The following CTDP1 variants were observed in gnomAD, a reference collection of about 807,000 sequenced individuals.
The protein encoded by CTDP1 is CTD phosphatase 1.
Under a neutral mutation model 91.8 loss-of-function variants are expected in CTDP1, and 47 were observed. The observed-to-expected ratio is 0.51, with a 90% CI of 0.41 to 0.65. The LOEUF (loss-of-function observed/expected upper bound fraction) is 0.65. Ranked by LOEUF, CTDP1 falls within the 30% of genes least tolerant of loss-of-function variation. The probability of loss-of-function intolerance (pLI) is 0.00; values close to 1 mark genes in which losing one functional copy is unlikely to be tolerated. For synonymous variants in CTDP1, 656 were observed against 598.5 expected (o/e 1.10, Z -1.40); for missense variants, 1,272 against 1,373.7 (o/e 0.93, Z 1.17).
At chr18:79,698,307 G>A (rs1427541346) in intron 4 of CTDP1, among the ~76,000 whole-genome samples, 2 of 152,158 alleles carry the variant, frequency 1.3e-5, no homozygotes, top group African/African-American at 4.8e-5. Context: ...GTGGTGGATG[G>A]TGCGAGGCGT....
chr18:79,698,785 G>A lies in CTDP1; in HGVS notation c.621+797G>A, dbSNP rs560374796. Among the ~76,000 whole-genome samples, 10 of 152,342 alleles carry A rather than the reference G, an allele frequency of 6.6e-5. No homozygotes were observed. In the South Asian group the frequency reaches 2.1e-3, roughly 32 times the overall value. On this transcript the variant is annotated intron_variant, in intron 4 of 12. Transcript: ENST00000613122. The stretch of plus-strand genomic sequence containing the variant: ...CTTACCAGTTCTAAAGGTTCCTGGG[G>A]ATCCTGCAGGTCCCAATAGCAGACA...
intron 1 of CTDP1, among the ~76,000 whole-genome samples, chr18:79,692,537 T>C (rs2085646541): frequency 6.6e-6 from 1 of 152,236 alleles, no homozygotes; most frequent in South Asian, 2.1e-4. Context: ...CCCAGATCCT[T>C]CTTCATGTTA....
chr18:79,703,429 T>A (rs1227845788), intron 4 of CTDP1: 3 of 152,242 alleles, frequency 2.0e-5, no homozygotes, highest in African/African-American at 7.2e-5. Flanking sequence ...CATTTGCATG[T>A]CGATCATATG....
chr18:79,745,246 A>ACGCGCGTTCTGTCCCTGCGTCCCTCCCG (rs2086856773), intron 12 of CTDP1, among the ~76,000 whole-genome samples: 1 of 99,050 alleles, frequency 1.0e-5, no homozygotes, highest in African/African-American at 3.7e-5. Context: ...CGTCCCTCCC[A>ACGCGCGTTCTGTCCCTGCGTCCCTCCCG]TGCGCGTTCT....
intron 10 of CTDP1, among the ~76,000 whole-genome samples, chr18:79,721,127 G>A (rs1215916113): frequency 6.6e-6 from 1 of 152,094 alleles, no homozygotes; most frequent in African/African-American, 2.4e-5. Flanking sequence ...TTGCTCCTGC[G>A]AAGCCTCCTA....
At chr18:79,756,184 T>C (rs2122937012), downstream of CTDP1, 1 of 152,526 alleles carries the variant, frequency 6.6e-6, no homozygotes, top group South Asian at 2.1e-4. Flanking sequence ...TCCACATTGA[T>C]AGCTTAAAAT....
At chr18:79,693,217 G>A (rs2122462737) in intron 1 of CTDP1, among the ~76,000 whole-genome samples, 1 of 152,290 alleles carries the variant, frequency 6.6e-6, no homozygotes, top group South Asian at 2.1e-4. Context: ...GACCGGGAGG[G>A]AGGATGGTCC....
In CTDP1 at chr18:79,715,395, C is replaced by G; in HGVS notation, c.1935C>G (p.His645Gln). 1.2e-6 allele frequency: 2 copies of G among 1,605,164 alleles called. No homozygotes were observed. Among genetic ancestry groups the G allele is most frequent in the Non-Finnish European group, 8.5e-7 (1 of 1,175,770 alleles). ...ADVAIIFSGL[H>Q]PTNFPIEKTR... is the part of the protein sequence containing the mutation. The stretch of plus-strand genomic sequence containing the variant: ...TGGCCATAATTTTCAGTGGGCTACA[C>G]CCGACAAACTTCCCGATAGAGAAGA... The change falls in exon 8 of 13, where the codon CAC (histidine) becomes CAG (glutamine). Residue 645 changes from histidine (H) to glutamine (Q), a missense_variant. His to Gln is a conservative substitution (Grantham distance 24, BLOSUM62 0). This residue lies in a region of CTDP1 where 881 missense variants were observed against 911.6 expected (regional missense o/e 0.97). Transcript: ENST00000613122.
intron 4 of CTDP1, among the ~76,000 whole-genome samples, chr18:79,698,274 C>T (rs937593791): frequency 2.6e-5 from 4 of 152,094 alleles, no homozygotes; most frequent in African/African-American, 9.7e-5. Context: ...AAGGCAGAAA[C>T]GTCCCGAGCC....
chr18:79,682,168 G>T (rs1017315168), intron 1 of CTDP1, among the ~76,000 whole-genome samples: 1 of 152,218 alleles, frequency 6.6e-6, no homozygotes, highest in Admixed American at 6.5e-5. Context: ...TGCTGCTGAC[G>T]GTCGGCTCCG....
chr18:79,714,633 C>T lies in CTDP1; in HGVS notation c.1173C>T (p.Thr391=). 2 of 1,612,500 alleles carry T rather than the reference C, an allele frequency of 1.2e-6. No homozygotes were observed. Among genetic ancestry groups the T allele is most frequent in the African/African-American group, 1.3e-5 (1 of 75,060 alleles). The part of the protein sequence containing the change: ...ARELNGSEAA[T]PRDSPRPGKP... ...AGCTGAACGGCAGCGAGGCCGCCAC[C>T]CCGCGGGACTCACCCCGCCCCGGGA... Residue 391 remains threonine, a synonymous_variant, in exon 8 of 13, where the codon ACC becomes ACT. Coordinates refer to ENST00000613122, the MANE Select transcript of CTDP1 (RefSeq NM_004715.5).
chr18:79,682,211 G>A (rs766906068), intron 1 of CTDP1, among the ~76,000 whole-genome samples: 32 of 152,332 alleles, frequency 2.1e-4, no homozygotes, highest in Non-Finnish European at 3.8e-4. Flanking sequence ...TGGCTCTGGG[G>A]GGCTGCCGTT....
In CTDP1 at chr18:79,680,142, G is replaced by T; in HGVS notation, c.195G>T (p.Gln65His). The T allele has an allele frequency of 7.0e-7, 1 of 1,429,540 alleles. No homozygotes were observed. 88.6% of individuals were successfully genotyped at this position (1,429,540 alleles called of 1,614,324 possible). A position where few individuals can be genotyped will look rare whatever the true frequency, so the allele number is the denominator to read the frequency against. ...CCGCGCAGTCCTCCGGGGCCTCTCA[G>T]TCCCGTGTAGCCTCCGGGGGCTGCG... ...AASAQSSGASQSRVASGGCVR... is the reference protein window; with the variant it reads ...AASAQSSGASHSRVASGGCVR... The change falls in exon 1 of 13, where the codon CAG (glutamine) becomes CAT (histidine). Residue 65 changes from glutamine (Q) to histidine (H), a missense_variant. By Grantham distance (24) the Gln-to-His change is conservative (BLOSUM62 0). Coordinates refer to ENST00000613122, the MANE Select transcript of CTDP1 (RefSeq NM_004715.5).
chr18:79,706,094 C>A (rs603957), intron 5 of CTDP1, among the ~76,000 whole-genome samples: 115,913 of 152,126 alleles, frequency 0.76, 44,426 homozygotes, highest in Middle Eastern at 0.79. Flanking sequence ...TGGTGAGGTC[C>A]TGTGGACTCC....
chr18:79,696,795 T>C lies in CTDP1; in HGVS notation c.492+725T>C, dbSNP rs575213783. 8.5e-5 allele frequency among the ~76,000 whole-genome samples: 13 copies of C among 152,282 alleles called. No individual in the cohort carries two copies. In the South Asian group the frequency reaches 2.5e-3, roughly 29 times the overall value. On this transcript the variant is annotated intron_variant, in intron 3 of 12. Transcript: ENST00000613122. Reference sequence around the variant, plus strand: ...TATTTCAGGAGTTGCTGGGGCACTGTGGGTCAGCGGCTCCGGGCACCTCCT... The same window carrying C: ...TATTTCAGGAGTTGCTGGGGCACTGCGGGTCAGCGGCTCCGGGCACCTCCT...
Position 79,750,919 on chromosome 18 carries a change from G to A in CTDP1, c.2748-2733G>A, listed in dbSNP as rs572842081. Among the ~76,000 whole-genome samples, 12 of 151,500 alleles carry A rather than the reference G, an allele frequency of 7.9e-5. No individual in the cohort carries two copies. The East Asian group carries it at 2.0e-3, about 25-fold the overall frequency. Reference sequence around the variant, plus strand: ...GATGGCAGTTCCCATCTTACAGAGCGGGCTGGACTCAGAGGCAGGCCGGGG... The same window carrying A: ...GATGGCAGTTCCCATCTTACAGAGCAGGCTGGACTCAGAGGCAGGCCGGGG... On this transcript the variant is annotated intron_variant, in intron 12 of 12. Coordinates refer to ENST00000613122, the MANE Select transcript of CTDP1 (RefSeq NM_004715.5).
In CTDP1 at chr18:79,679,897, CTGAG is replaced by C. The variant is rs1444407240; in HGVS notation, c.-50_-47del. On this transcript the variant is annotated 5_prime_UTR_variant, in exon 1 of 13. Coordinates refer to ENST00000613122, the MANE Select transcript of CTDP1 (RefSeq NM_004715.5). ...GTGTCGCCGCGGTAGGCGCTGCGCTCTGAGCGCAGCGCAGGCCCCGTACCGACCG... is the reference window on the plus strand; with the variant it reads ...GTGTCGCCGCGGTAGGCGCTGCGCTCCGCAGCGCAGGCCCCGTACCGACCG... 7.5e-7 allele frequency: 1 copy of C among 1,336,106 alleles called. No homozygotes were observed. Among genetic ancestry groups the C allele is most frequent in the Non-Finnish European group, 9.6e-7 (1 of 1,039,508 alleles). The allele number at this position is 1,336,106 out of a possible 1,614,324, so 82.8% of individuals were successfully genotyped here.
At chr18:79,741,793 G>A (rs2086783050) in intron 12 of CTDP1, among the ~76,000 whole-genome samples, 1 of 152,112 alleles carries the variant, frequency 6.6e-6, no homozygotes, top group South Asian at 2.1e-4. Context: ...TAGACAACAG[G>A]GAATAGTGCT....
At chr18:79,724,154 A>C (rs2086399930) in intron 10 of CTDP1, among the ~76,000 whole-genome samples, 2 of 152,234 alleles carry the variant, frequency 1.3e-5, no homozygotes, top group Admixed American at 6.5e-5. Flanking sequence ...CCCTGGAAGG[A>C]AGTGCTCATC....
Sources: gnomAD v4.1 joint callset for allele counts (sites outside exome capture counted in the v4.1 genomes callset) on GRCh38, gnomAD v4.1.1 for gene constraint, gnomAD v4.1.1 regional missense constraint, MANE v1.5 for transcripts, NCBI Gene and HGNC (gene_info 2026-07-23, HGNC 2026-07-21) for gene names.